Variants in TLN2 observed in about 807,000 individuals in gnomAD.
TLN2 encodes talin-2.
Under a neutral mutation model 294.7 loss-of-function variants are expected in TLN2, and 118 were observed. The observed-to-expected ratio is 0.40, with a 90% CI of 0.34 to 0.47. The LOEUF is 0.47. TLN2 is among the 20% of genes least tolerant of loss of function. The probability of loss-of-function intolerance (pLI) is 0.84; values close to 1 mark genes in which losing one functional copy is unlikely to be tolerated. For synonymous variants in TLN2, 1,431 were observed against 1,304.5 expected, an observed-to-expected ratio of 1.10 and a Z score of -2.09; for missense variants, 3,083 against 3,282.2, an observed-to-expected ratio of 0.94 and a Z score of 1.48.
At chr15:62,833,370 C>G (rs1484263742) in intron 54 of TLN2, 134 bp from the exon 55 acceptor site, 2 of 1,322,428 alleles carry the variant, frequency 1.5e-6, no homozygotes, top group African/African-American at 1.5e-5. Flanking sequence ...AGGAACCATC[C>G]CATTTCAGGT....
chr15:62,717,289 T>C (rs1457955425), intron 23 of TLN2, among the ~76,000 whole-genome samples: 1 of 152,196 alleles, frequency 6.6e-6, no homozygotes, highest in Admixed American at 6.5e-5. Flanking sequence ...CTTGTCAGTG[T>C]CATTATGATC....
At chr15:62,597,026 G>A (rs1177405902) in intron 2 of TLN2, among the ~76,000 whole-genome samples, 2 of 152,014 alleles carry the variant, frequency 1.3e-5, no homozygotes, top group Non-Finnish European at 2.9e-5. Context: ...GGCAGATCAC[G>A]CTGTTAGTTC....
chr15:62,761,376 G>T (rs2062655752), intron 37 of TLN2, among the ~76,000 whole-genome samples: 2 of 152,258 alleles, frequency 1.3e-5, no homozygotes, highest in Admixed American at 6.5e-5. Flanking sequence ...TGGTGCAGGG[G>T]GTCACGGGGC....
At chr15:62,566,311 T>G (rs2140622889) in intron 1 of TLN2, among the ~76,000 whole-genome samples, 1 of 152,202 alleles carries the variant, frequency 6.6e-6, no homozygotes, top group South Asian at 2.1e-4. Flanking sequence ...ATTTTTGGTG[T>G]GCCAGAGACT....
intron 1 of TLN2, among the ~76,000 whole-genome samples, chr15:62,554,199 C>A (rs569831712): frequency 6.6e-6 from 1 of 151,680 alleles, no homozygotes; most frequent in Non-Finnish European, 1.5e-5. Flanking sequence ...GATTCTCTAA[C>A]CCCTGCCCCC....
Position 62,793,934 on chromosome 15 carries a change from C to T in TLN2, c.5883+1147C>T, listed in dbSNP as rs2065264439. The stretch of plus-strand genomic sequence containing the variant: ...GCCCTCCCTGAGGCCAAGCTACAGT[C>T]TGGCCTTCTCCCATAGCCCACAGGG... On this transcript the variant is annotated intron_variant, in intron 46 of 58. Coordinates refer to ENST00000636159, the MANE Select transcript of TLN2 (RefSeq NM_015059.3). Among the ~76,000 whole-genome samples the T allele has an allele frequency of 2.0e-5, 3 of 151,898 alleles. No individual in the cohort carries two copies. In the South Asian group the frequency reaches 6.2e-4, roughly 32 times the overall value.
intron 1 of TLN2, among the ~76,000 whole-genome samples, chr15:62,491,345 TATATATACACACACACAC>T (rs1222327299): frequency 8.7e-5 from 10 of 115,176 alleles, no homozygotes; most frequent in African/African-American, 2.9e-4. Context: ...AAAATATATA[TATATATACACACACACAC>T]ACACACACAC....
chr15:62,787,722 A>G, intron 45 of TLN2, among the ~76,000 whole-genome samples: 1 of 125,550 alleles, frequency 8.0e-6, no homozygotes, highest in Non-Finnish European at 1.6e-5. Context: ...TTTTTGAGAC[A>G]GAGTCTGTCG....
intron 1 of TLN2, among the ~76,000 whole-genome samples, chr15:62,519,865 C>T (rs1305476144): frequency 3.3e-5 from 5 of 152,134 alleles, no homozygotes; most frequent in South Asian, 2.1e-4. Context: ...TGTATTACTC[C>T]GTTTTCATGC....
intron 11 of TLN2, among the ~76,000 whole-genome samples, chr15:62,681,849 G>A (rs2056859766): frequency 6.6e-6 from 1 of 152,076 alleles, no homozygotes. Flanking sequence ...GGAATGTAGT[G>A]GCGTGATCAT....
intron 1 of TLN2, among the ~76,000 whole-genome samples, chr15:62,587,564 A>G (rs1279517331): frequency 3.3e-5 from 5 of 152,182 alleles, no homozygotes; most frequent in African/African-American, 1.2e-4. Context: ...TTCAATGTCT[A>G]TGTGGTTTAC....
intron 54 of TLN2, chr15:62,827,807 A>G (rs1048570): frequency 0.69 from 104,987 of 152,164 alleles, 38,287 homozygotes; most frequent in Non-Finnish European, 0.82. Context: ...AGCATCTCCT[A>G]TGAGTCAGCC....
At chr15:62,797,783 T>C (rs992033371) in intron 48 of TLN2, among the ~76,000 whole-genome samples, 7 of 151,900 alleles carry the variant, frequency 4.6e-5, no homozygotes, top group African/African-American at 9.7e-5. Flanking sequence ...TGGAGGAGAT[T>C]GAAGTGCCGG....
intron 1 of TLN2, among the ~76,000 whole-genome samples, chr15:62,535,711 A>G (rs1319647264): frequency 6.6e-6 from 1 of 152,008 alleles, no homozygotes; most frequent in Non-Finnish European, 1.5e-5. Context: ...GCCTGCCGCC[A>G]CGCCCGGCTA....
chr15:62,658,669 G>A (rs544380041), intron 9 of TLN2, among the ~76,000 whole-genome samples: 1 of 152,262 alleles, frequency 6.6e-6, no homozygotes, highest in Admixed American at 6.5e-5. Flanking sequence ...TTCTCCAAAT[G>A]AGTCATACTG....
intron 1 of TLN2, among the ~76,000 whole-genome samples, chr15:62,490,404 A>T (rs1380965490): frequency 1.3e-5 from 2 of 152,194 alleles, no homozygotes; most frequent in African/African-American, 4.8e-5. Flanking sequence ...CCTCAGAGGA[A>T]TTAGCTGTGG....
intron 1 of TLN2, among the ~76,000 whole-genome samples, chr15:62,581,825 C>T (rs990902392): frequency 1.3e-5 from 2 of 151,994 alleles, no homozygotes; most frequent in Non-Finnish European, 2.9e-5. Flanking sequence ...AGGCAGATCA[C>T]CTGAGATTAG....
chr15:62,613,108 G>T lies in TLN2; in HGVS notation c.-161-5243G>T, dbSNP rs541440921. On this transcript the variant is annotated intron_variant, in intron 2 of 58. Transcript: ENST00000636159. ...CTCAGTGACCATGGGTAATTTATTT[G>T]TCCTCAGTTTTCTTGCCTGTGAAAT... Among the ~76,000 whole-genome samples the T allele has an allele frequency of 1.2e-3, 185 of 152,254 alleles. 1 individual carries two copies. The highest frequency in any genetic ancestry group is 4.2e-3 in the African/African-American group (174 of 41,556).
At chr15:62,624,939 C>T (rs1365155192) in intron 3 of TLN2, among the ~76,000 whole-genome samples, 1 of 152,206 alleles carries the variant, frequency 6.6e-6, no homozygotes, top group Non-Finnish European at 1.5e-5. Context: ...GCATGGTGAC[C>T]TAAAAGCTAC....
Sources: allele counts gnomAD v4.1 joint callset (sites outside exome capture counted in the v4.1 genomes callset), GRCh38; gene constraint gnomAD v4.1.1; transcripts MANE v1.5; gene names NCBI Gene and HGNC (gene_info 2026-07-23, HGNC 2026-07-21).